The following ACACA variants were observed in gnomAD, a reference collection of about 807,000 sequenced individuals.
The protein encoded by ACACA is acetyl-CoA carboxylase 1.
A neutral mutation model predicts 296.1 loss-of-function variants in ACACA; 103 were observed. That is an observed-to-expected ratio of 0.35 (90% confidence interval 0.30 to 0.41). The LOEUF is 0.41. Among genes scored for constraint, ACACA ranks in the 10% least tolerant of loss-of-function variants. The pLI is 1.00. For synonymous variants in ACACA, 953 were observed against 1,038.6 expected, an observed-to-expected ratio of 0.92 and a Z score of 1.58; for missense variants, 1,554 against 2,989.7, an observed-to-expected ratio of 0.52 and a Z score of 11.20.
chr17:37,336,729 C>T (rs2048136325), intron 2 of ACACA, among the ~76,000 whole-genome samples: 1 of 152,122 alleles, frequency 6.6e-6, no homozygotes, highest in African/African-American at 2.4e-5. Flanking sequence ...TTTTGAAGTG[C>T]TCTAAGATAT....
intron 6 of ACACA, 62 bp downstream of exon 6, chr17:37,277,834 C>G: frequency 7.9e-7 from 1 of 1,260,348 alleles, no homozygotes; most frequent in South Asian, 1.2e-5. Flanking sequence ...TCTAGATATC[C>G]CCTTGTGCCT....
chr17:37,188,081 T>C (rs1262556064), intron 39 of ACACA, among the ~76,000 whole-genome samples, 196 bp downstream of exon 39: 4 of 152,190 alleles, frequency 2.6e-5, no homozygotes, highest in Non-Finnish European at 5.9e-5. Flanking sequence ...TTTTATAACA[T>C]CCATGATAGA....
At position 37,406,244 on chromosome 17, in the gene ACACA, A is replaced by G. The variant is rs1299529169; in HGVS notation, c.38+18T>C. On this transcript the variant is annotated intron_variant, in intron 1 of 55. Transcript: ENST00000616317. ...AGAATCATCATTAACAGCAGTAATA[A>G]GAGATCTTGGGACATACCTAGCCCT... The G allele has an allele frequency of 3.1e-6, 5 of 1,613,336 alleles. No individual in the cohort carries two copies. Among genetic ancestry groups the G allele is most frequent in the Non-Finnish European group, 4.2e-6 (5 of 1,179,362 alleles).
chr17:37,155,427 AT>A (rs746434090), intron 43 of ACACA, among the ~76,000 whole-genome samples: 1 of 151,628 alleles, frequency 6.6e-6, no homozygotes, highest in Non-Finnish European at 1.5e-5. Context: ...ATTGTGGCTA[AT>A]TTTTTTTTCT....
intron 38 of ACACA, 145 bp downstream of exon 38, chr17:37,190,975 T>C: frequency 9.6e-7 from 1 of 1,045,882 alleles, no homozygotes; most frequent in Non-Finnish European, 1.4e-6. Context: ...AACTCAATCT[T>C]ATAAACATTC....
chr17:37,302,759 ATACT>A (rs1412254177), intron 3 of ACACA, among the ~76,000 whole-genome samples: 1 of 152,222 alleles, frequency 6.6e-6, no homozygotes, highest in African/African-American at 2.4e-5. Flanking sequence ...ATATAGAAAT[ATACT>A]TAACTTTTCT....
In ACACA at chr17:37,185,750, G is replaced by C. The variant is rs555200289; in HGVS notation, c.4776+2527C>G. ...CTCCCGGCTAATTTTTGTATTTTTA[G>C]TAGAGACAGGCTTTCACCTTGTTGG... On this transcript the variant is annotated intron_variant, in intron 39 of 55. Transcript: ENST00000616317. 3.3e-5 allele frequency among the ~76,000 whole-genome samples: 5 copies of C among 151,816 alleles called. No homozygotes were observed. In the East Asian group the frequency reaches 9.7e-4, roughly 30 times the overall value.
At chr17:37,120,339 C>T (rs932848011) in intron 50 of ACACA, among the ~76,000 whole-genome samples, 2 of 152,120 alleles carry the variant, frequency 1.3e-5, no homozygotes, top group African/African-American at 4.8e-5. Flanking sequence ...AATCTTGGCT[C>T]ACTGCAATCT....
intron 1 of ACACA, chr17:37,359,098 G>A: frequency 1.0e-6 from 1 of 985,706 alleles, no homozygotes; most frequent in South Asian, 4.7e-5. Flanking sequence ...ATGGCTGACA[G>A]GCGTGCAGCA....
chr17:37,268,731 ATCTATC>A (rs1371363706), intron 10 of ACACA, among the ~76,000 whole-genome samples: 15 of 73,204 alleles, frequency 2.0e-4, no homozygotes, highest in South Asian at 1.7e-3. Flanking sequence ...CTATCTATCT[ATCTATC>A]TATCTATATA....
chr17:37,298,025 A>G (rs1028043802), intron 3 of ACACA, among the ~76,000 whole-genome samples: 2 of 152,160 alleles, frequency 1.3e-5, no homozygotes, highest in Non-Finnish European at 2.9e-5. Context: ...TGGCAGGAAT[A>G]TATCTCCCTG....
chr17:37,308,753 T>A (rs2083995371), intron 3 of ACACA, among the ~76,000 whole-genome samples: 1 of 151,974 alleles, frequency 6.6e-6, no homozygotes, highest in Non-Finnish European at 1.5e-5. Flanking sequence ...GCCTGGGTAA[T>A]ATGGTGAAAC....
At chr17:37,193,985 G>T (rs1350203683) in intron 35 of ACACA, among the ~76,000 whole-genome samples, 2 of 152,092 alleles carry the variant, frequency 1.3e-5, no homozygotes, top group Non-Finnish European at 2.9e-5. Context: ...AAAGAATAAG[G>T]TTAGAACTAG....
At chr17:37,247,783 G>A (rs2080787133) in intron 18 of ACACA, 9 of 594,682 alleles carry the variant, frequency 1.5e-5, no homozygotes, top group South Asian at 1.3e-4. Context: ...TTATAAAAAG[G>A]GGAACTTATT....
At chr17:37,216,229 T>A (rs1485775090) in intron 29 of ACACA, among the ~76,000 whole-genome samples, 1 of 151,020 alleles carries the variant, frequency 6.6e-6, no homozygotes, top group African/African-American at 2.4e-5. Flanking sequence ...TATATATATG[T>A]TTCTAACTAT....
At chr17:37,149,531 C>T (rs2075953804) in intron 45 of ACACA, among the ~76,000 whole-genome samples, 1 of 152,160 alleles carries the variant, frequency 6.6e-6, no homozygotes, top group African/African-American at 2.4e-5. Context: ...CAGAAGCGTT[C>T]AATTAATTCT....
At chr17:37,405,641 C>T (rs2051456306) in intron 1 of ACACA, among the ~76,000 whole-genome samples, 1 of 152,044 alleles carries the variant, frequency 6.6e-6, no homozygotes, top group Admixed American at 6.6e-5. Flanking sequence ...TAACCTCTGC[C>T]CCCAGGGTTC....
chr17:37,287,386 A>G (rs901412512), intron 3 of ACACA, among the ~76,000 whole-genome samples: 2 of 152,090 alleles, frequency 1.3e-5, no homozygotes, highest in African/African-American at 4.8e-5. Flanking sequence ...TATACTTCAC[A>G]TGACTTAGTG....
chr17:37,262,478 G>A (rs2081559418), intron 11 of ACACA, among the ~76,000 whole-genome samples: 1 of 152,218 alleles, frequency 6.6e-6, no homozygotes, highest in African/African-American at 2.4e-5. Flanking sequence ...TTGGTAAAGA[G>A]CCAGATAGTA....
Sources: allele counts gnomAD v4.1 joint callset (sites outside exome capture counted in the v4.1 genomes callset), GRCh38; gene constraint gnomAD v4.1.1; transcripts MANE v1.5; gene names NCBI Gene and HGNC (gene_info 2026-07-23, HGNC 2026-07-21).